TASP1: variants seen among roughly 807,000 people sequenced by gnomAD.
TASP1 encodes threonine aspartase 1.
In TASP1, 16 loss-of-function variants were observed where a neutral mutation model predicts 56.6. The observed-to-expected ratio is 0.28, with a 90% CI of 0.19 to 0.43. The LOEUF is 0.43. Ranked by LOEUF, TASP1 falls within the 20% of genes least tolerant of loss-of-function variation. The pLI, the probability that TASP1 is intolerant of heterozygous loss-of-function variation, is 1.00. For synonymous variants in TASP1, 179 were observed against 184.2 expected, an observed-to-expected ratio of 0.97 and a Z score of 0.23; for missense variants, 393 against 511.6, an observed-to-expected ratio of 0.77 and a Z score of 2.24.
intron 11 of TASP1, among the ~76,000 whole-genome samples, chr20:13,470,606 C>G (rs975315820): frequency 2.0e-5 from 3 of 151,792 alleles, no homozygotes; most frequent in Admixed American, 1.3e-4. Flanking sequence ...GTAAGATGTA[C>G]TCTAGTTAAA....
chr20:13,247,907 A>G, the TASP1 span, among the ~76,000 whole-genome samples: 1 of 152,166 alleles, frequency 6.6e-6, no homozygotes, highest in Non-Finnish European at 1.5e-5. Context: ...ACAGTGCAAA[A>G]GTGACATTCA....
intron 13 of TASP1, among the ~76,000 whole-genome samples, chr20:13,408,479 T>A (rs1228279151): frequency 1.3e-5 from 2 of 152,168 alleles, no homozygotes; most frequent in Non-Finnish European, 2.9e-5. Context: ...CCTTGTAACA[T>A]CTTTGTCAAA....
chr20:13,126,974 C>T, the TASP1 span, among the ~76,000 whole-genome samples: 2 of 152,352 alleles, frequency 1.3e-5, no homozygotes, highest in African/African-American at 4.8e-5. Flanking sequence ...TGAAATTAAG[C>T]AAATATTGTT....
At chr20:13,123,426 A>G in the TASP1 span, among the ~76,000 whole-genome samples, 27 of 152,066 alleles carry the variant, frequency 1.8e-4, no homozygotes, top group African/African-American at 5.8e-4. Context: ...CACCCATTTC[A>G]TCCTCATAAA....
intron 1 of TASP1, among the ~76,000 whole-genome samples, chr20:13,635,718 T>C (rs1176897309): frequency 2.0e-5 from 3 of 152,074 alleles, no homozygotes; most frequent in African/African-American, 7.2e-5. Context: ...ACTGCCAACC[T>C]TTCAAAACTA....
intron 11 of TASP1, among the ~76,000 whole-genome samples, chr20:13,442,242 A>G (rs2043239359): frequency 6.6e-6 from 1 of 151,948 alleles, no homozygotes; most frequent in East Asian, 1.9e-4. Context: ...AGTGATTAGC[A>G]AAACAATTCC....
At chr20:13,326,643 C>T in the TASP1 span, among the ~76,000 whole-genome samples, 2 of 152,040 alleles carry the variant, frequency 1.3e-5, no homozygotes, top group East Asian at 3.9e-4. Context: ...GTTTCTTTGC[C>T]TTTCATAAAT....
At chr20:13,288,702 G>A in the TASP1 span, 2 of 1,597,780 alleles carry the variant, frequency 1.3e-6, no homozygotes, top group Non-Finnish European at 1.7e-6. Flanking sequence ...ACCTGAGTGT[G>A]TAGCTCCAAG....
intron 4 of TASP1, among the ~76,000 whole-genome samples, chr20:13,602,693 C>G (rs1382778978): frequency 6.6e-6 from 1 of 152,096 alleles, no homozygotes; most frequent in Non-Finnish European, 1.5e-5. Flanking sequence ...CTAGATCCCT[C>G]ACATGTGCAG....
the TASP1 span, among the ~76,000 whole-genome samples, chr20:13,175,577 T>C: frequency 6.6e-6 from 1 of 152,180 alleles, no homozygotes; most frequent in Admixed American, 6.5e-5. Context: ...AGCTTTTCTG[T>C]CTAGGCTCTA....
the TASP1 span, among the ~76,000 whole-genome samples, chr20:13,342,463 C>G: frequency 6.6e-6 from 1 of 152,198 alleles, no homozygotes; most frequent in Non-Finnish European, 1.5e-5. Flanking sequence ...ACAGCGGCAG[C>G]AGAGACTGTG....
At chr20:13,545,930 A>G (rs6079097) in intron 8 of TASP1, among the ~76,000 whole-genome samples, 92,213 of 151,960 alleles carry the variant, frequency 0.61, 28,769 homozygotes, top group Non-Finnish European at 0.68. Context: ...TTCCATTAAG[A>G]CTGCCATGTG....
the TASP1 span, among the ~76,000 whole-genome samples, chr20:13,359,697 TC>T: frequency 0.27 from 39,691 of 146,102 alleles, 4,544 homozygotes; most frequent in African/African-American, 0.48. Context: ...TTTTTAGTTA[TC>T]CCCACCTGCC....
At chr20:13,489,495 A>G (rs964544121) in intron 10 of TASP1, among the ~76,000 whole-genome samples, 4 of 151,958 alleles carry the variant, frequency 2.6e-5, no homozygotes, top group African/African-American at 9.7e-5. Context: ...ATCAAGGACC[A>G]TCCATGGCCA....
chr20:13,469,834 T>G, intron 11 of TASP1, among the ~76,000 whole-genome samples: 1 of 125,414 alleles, frequency 8.0e-6, no homozygotes, highest in Non-Finnish European at 1.6e-5. Context: ...TTTGAGAGAG[T>G]GTCTTGCTCT....
At chr20:13,234,229 T>C in the TASP1 span, among the ~76,000 whole-genome samples, 21 of 152,326 alleles carry the variant, frequency 1.4e-4, no homozygotes, top group African/African-American at 4.8e-4. Flanking sequence ...ACTTTCTGTT[T>C]CTGAGTTATT....
chr20:13,292,695 T>G, the TASP1 span, among the ~76,000 whole-genome samples: 1 of 152,120 alleles, frequency 6.6e-6, no homozygotes, highest in Non-Finnish European at 1.5e-5. Flanking sequence ...CTATGCAGCC[T>G]TCACAGCCAG....
chr20:13,553,057 T>C (rs1290186210), intron 8 of TASP1, among the ~76,000 whole-genome samples: 1 of 152,138 alleles, frequency 6.6e-6, no homozygotes, highest in African/African-American at 2.4e-5. Flanking sequence ...CACCTCAGCA[T>C]CCTGAGTAAC....
chr20:13,387,184 ATTTTTTTTTT>A (rs779048448), downstream of TASP1, among the ~76,000 whole-genome samples: 3 of 70,694 alleles, frequency 4.2e-5, no homozygotes, highest in Admixed American at 3.3e-4. Context: ...ACATGATTTC[ATTTTTTTTTT>A]TTTTTTTTTT....
Sources: gnomAD v4.1 joint callset for allele counts (sites outside exome capture counted in the v4.1 genomes callset) on GRCh38, gnomAD v4.1.1 for gene constraint, MANE v1.5 for transcripts, NCBI Gene and HGNC (gene_info 2026-07-23, HGNC 2026-07-21) for gene names.